Variants in JAKMIP1 observed in about 807,000 individuals in gnomAD.
JAKMIP1 encodes janus kinase and microtubule-interacting protein 1.
In JAKMIP1, 33 loss-of-function variants were observed where a neutral mutation model predicts 113.0. The observed-to-expected ratio is 0.29, with a 90% CI of 0.22 to 0.39. The LOEUF (loss-of-function observed/expected upper bound fraction) is 0.39. JAKMIP1 is among the 10% of genes least tolerant of loss of function. The pLI is 1.00. For synonymous variants in JAKMIP1, 480 were observed against 459.9 expected (o/e 1.04, Z -0.56); for missense variants, 813 against 1,080.5 (o/e 0.75, Z 3.47).
At position 6,138,388 on chromosome 4, in the gene JAKMIP1, C is replaced by T. The variant is rs1454799782; in HGVS notation, c.-147-25391G>A. On this transcript the variant is annotated intron_variant, in intron 1 of 20. Transcript: ENST00000409021. This position sits in a 1 kb window ranked among gnomAD's most constrained non-coding sequence, Gnocchi z 6.0. ...TCAGCTTTCCAAGTAGCTGGGATTA[C>T]ACCACACCTGGCTCATTTTTGTATT... Among the ~76,000 whole-genome samples the T allele has an allele frequency of 6.6e-6, 1 of 152,054 alleles. No individual in the cohort carries two copies. Among genetic ancestry groups the T allele is most frequent in the Non-Finnish European group, 1.5e-5 (1 of 68,014 alleles).
At chr4:6,066,704 T>G (rs1191921200) in intron 8 of JAKMIP1, among the ~76,000 whole-genome samples, 1 of 152,038 alleles carries the variant, frequency 6.6e-6, no homozygotes, top group Non-Finnish European at 1.5e-5. Flanking sequence ...GTCTTCACCT[T>G]CAACTCAAAA....
At chr4:6,099,703 G>A (rs1712683500) in intron 3 of JAKMIP1, among the ~76,000 whole-genome samples, 1 of 152,124 alleles carries the variant, frequency 6.6e-6, no homozygotes, top group South Asian at 2.1e-4. Flanking sequence ...TTCCTATCTG[G>A]CATTGTTTCT....
rs1718202872 is a variant in JAKMIP1 at position 6,067,062 on chromosome 4, C to A, written c.1303-2054G>T. Among the ~76,000 whole-genome samples the A allele has an allele frequency of 6.6e-6, 1 of 152,180 alleles. No homozygotes were observed. The highest frequency in any genetic ancestry group is 1.5e-5 in the Non-Finnish European group (1 of 68,024). On this transcript the variant is annotated intron_variant, in intron 8 of 20. Coordinates refer to ENST00000409021, the MANE Select transcript of JAKMIP1 (RefSeq NM_001099433.2). The surrounding 1 kb of genome is among the most constrained non-coding windows in gnomAD (Gnocchi z 4.6). ...CCATGCCCAGGTCCCTCCTGCTTCA[C>A]CCCCGCCCCAGCCTCTGGGGCCTCC... is the stretch of plus-strand genomic sequence containing the variant.
intron 10 of JAKMIP1, among the ~76,000 whole-genome samples, 192 bp downstream of exon 10, chr4:6,062,120 C>T (rs910807747): frequency 3.9e-5 from 6 of 152,250 alleles, no homozygotes; most frequent in South Asian, 2.1e-4. Flanking sequence ...TGTTCCAGAG[C>T]GCCTGCCATC....
At chr4:6,114,360 G>C (rs964081002) in intron 1 of JAKMIP1, among the ~76,000 whole-genome samples, 4 of 152,210 alleles carry the variant, frequency 2.6e-5, no homozygotes, top group Admixed American at 1.3e-4. Flanking sequence ...GTGAGGACCT[G>C]AAGCTGGACA....
At chr4:6,165,609 T>A (rs77957934) in intron 1 of JAKMIP1, among the ~76,000 whole-genome samples, 16,936 of 152,264 alleles carry the variant, frequency 0.11, 1,652 homozygotes, top group African/African-American at 0.26. Flanking sequence ...CCCTAAAGTA[T>A]TTTTAAATTA....
At chr4:6,052,379 G>A (rs1715767804) in intron 13 of JAKMIP1, among the ~76,000 whole-genome samples, 1 of 152,108 alleles carries the variant, frequency 6.6e-6, no homozygotes, top group Non-Finnish European at 1.5e-5. Context: ...GGGCATGGTA[G>A]CTTATACCTG....
chr4:6,091,605 G>C (rs201058607), intron 3 of JAKMIP1, among the ~76,000 whole-genome samples: 4 of 152,088 alleles, frequency 2.6e-5, no homozygotes, highest in African/African-American at 9.7e-5. Flanking sequence ...AATCACTCAG[G>C]GCAGCCTCTC....
intron 12 of JAKMIP1, among the ~76,000 whole-genome samples, chr4:6,055,009 G>A (rs550630554): frequency 3.9e-5 from 6 of 152,078 alleles, no homozygotes; most frequent in African/African-American, 1.2e-4. Flanking sequence ...GGGGTTGCTC[G>A]CTGTCCCAAA....
chr4:6,152,657 C>T (rs1578397677), intron 1 of JAKMIP1, among the ~76,000 whole-genome samples: 1 of 152,066 alleles, frequency 6.6e-6, no homozygotes, highest in East Asian at 1.9e-4. Flanking sequence ...AAGTGGGCAT[C>T]CTGGCCGAGT....
At chr4:6,055,124 G>T (rs1356522286) in intron 12 of JAKMIP1, among the ~76,000 whole-genome samples, 1 of 152,158 alleles carries the variant, frequency 6.6e-6, no homozygotes, top group South Asian at 2.1e-4. Flanking sequence ...CCAGGGCCAG[G>T]CCAGGTTCCT....
chr4:6,067,419 C>T lies in JAKMIP1; in HGVS notation c.1303-2411G>A, dbSNP rs1718256590. Among the ~76,000 whole-genome samples the T allele has an allele frequency of 6.6e-6, 1 of 152,166 alleles. No homozygotes were observed. The highest frequency in any genetic ancestry group is 2.4e-5 in the African/African-American group (1 of 41,424). On this transcript the variant is annotated intron_variant, in intron 8 of 20. Coordinates refer to ENST00000409021, the MANE Select transcript of JAKMIP1 (RefSeq NM_001099433.2). This position sits in a 1 kb window ranked among gnomAD's most constrained non-coding sequence, Gnocchi z 4.6. Reference sequence around the variant, plus strand: ...CACCATCAACTTCAATGTCATTTCTCTCCTTGCAGAGGCTGGAGACAATCA... The same window carrying T: ...CACCATCAACTTCAATGTCATTTCTTTCCTTGCAGAGGCTGGAGACAATCA...
rs1717432770 is a variant in JAKMIP1, at chr4:6,062,436, G to A, written c.1436C>T (p.Thr479Ile). 3 of 1,612,818 alleles carry A rather than the reference G, an allele frequency of 1.9e-6. No homozygotes were observed. Among genetic ancestry groups the A allele is most frequent in the Middle Eastern group, 1.7e-4 (1 of 6,054 alleles). The change falls in exon 10 of 21, where the codon ACA (threonine) becomes ATA (isoleucine). Residue 479 changes from threonine to isoleucine, a missense_variant. Thr to Ile is a moderately conservative substitution (Grantham distance 89). Coordinates refer to ENST00000409021, the MANE Select transcript of JAKMIP1 (RefSeq NM_001099433.2). ...ATPEEDLDDA[T>I]AREEADLRFC... ...GCGCAGGTCAGCCTCCTCTCGGGCT[G>A]TGGCCTTCACATAATGGAGAAGAAA...
rs1203669233 is a variant in JAKMIP1, at chr4:6,050,167, C to T, written c.1909-295G>A. 1.3e-5 allele frequency among the ~76,000 whole-genome samples: 2 copies of T among 152,200 alleles called. No homozygotes were observed. The highest frequency in any genetic ancestry group is 4.8e-5 in the African/African-American group (2 of 41,456). ...GCTCTAGGACACGGTAAACCCCGGG[C>T]CCTTCTAGCAACCACAGCCACCATC... On this transcript the variant is annotated intron_variant, in intron 14 of 20. Transcript: ENST00000409021. The surrounding 1 kb of genome is among the most constrained non-coding windows in gnomAD (Gnocchi z 7.4).
intron 8 of JAKMIP1, among the ~76,000 whole-genome samples, chr4:6,068,633 C>T (rs996715866): frequency 6.1e-5 from 9 of 147,540 alleles, no homozygotes; most frequent in African/African-American, 2.3e-4. Flanking sequence ...TCTCAACTTA[C>T]TACAACTTCC....
rs1393879714 is a variant in JAKMIP1, at chr4:6,154,126, T to G, written c.-147-41129A>C. The stretch of plus-strand genomic sequence containing the variant: ...GGTGAGAAGGCACAGGCTTGTGTCC[T>G]GCAGAGCTGATAAACCCTGCACTCA... On this transcript the variant is annotated intron_variant, in intron 1 of 20. Coordinates refer to ENST00000409021, the MANE Select transcript of JAKMIP1 (RefSeq NM_001099433.2). The surrounding 1 kb of genome is among the most constrained non-coding windows in gnomAD (Gnocchi z 4.2). Among the ~76,000 whole-genome samples, 1 of 152,212 alleles carries G rather than the reference T, an allele frequency of 6.6e-6. No homozygotes were observed. Among genetic ancestry groups the G allele is most frequent in the Non-Finnish European group, 1.5e-5 (1 of 68,048 alleles).
chr4:6,049,376 C>T lies in JAKMIP1; in HGVS notation c.1962+443G>A, dbSNP rs376451961. Among the ~76,000 whole-genome samples, 3 of 152,328 alleles carry T rather than the reference C, an allele frequency of 2.0e-5. No individual in the cohort carries two copies. The highest frequency in any genetic ancestry group is 6.5e-5 in the Admixed American group (1 of 15,304). On this transcript the variant is annotated intron_variant, in intron 15 of 20. Transcript: ENST00000409021. This position sits in a 1 kb window ranked among gnomAD's most constrained non-coding sequence, Gnocchi z 7.0. ...TCCTAGCTTCTCTCTGAGCTGCACC[C>T]GAGGGTCAGCTCCCTCTCGCTAATG...
rs1224687581 is a variant in JAKMIP1 at position 6,180,967 on chromosome 4, G to A, written c.-148+19286C>T. Among the ~76,000 whole-genome samples, 1 of 152,034 alleles carries A rather than the reference G, an allele frequency of 6.6e-6. No individual in the cohort carries two copies. The highest frequency in any genetic ancestry group is 1.5e-5 in the Non-Finnish European group (1 of 68,030). On this transcript the variant is annotated intron_variant, in intron 1 of 20. Transcript: ENST00000409021. The surrounding 1 kb of genome is among the most constrained non-coding windows in gnomAD (Gnocchi z 4.5). Reference sequence around the variant, plus strand: ...TGCAAAGACCCCTTAAGAAGTCCCAGAAAAGGCCCCAGCCATCAGGTCGTT... The same window carrying A: ...TGCAAAGACCCCTTAAGAAGTCCCAAAAAAGGCCCCAGCCATCAGGTCGTT...
At chr4:6,047,222 G>A (rs371924501) in intron 16 of JAKMIP1, among the ~76,000 whole-genome samples, 25 of 152,308 alleles carry the variant, frequency 1.6e-4, no homozygotes, top group African/African-American at 5.5e-4. Flanking sequence ...ACATCAAAGC[G>A]GACACTGGTG....
Sources: gnomAD v4.1 joint callset for allele counts (sites outside exome capture counted in the v4.1 genomes callset) on GRCh38, gnomAD v4.1.1 for gene constraint, Gnocchi (gnomAD v3.1) non-coding constraint, MANE v1.5 for transcripts, NCBI Gene and HGNC (gene_info 2026-07-23, HGNC 2026-07-21) for gene names.